Variants in PRKAG2 observed in about 807,000 individuals in gnomAD.
PRKAG2 encodes 5'-AMP-activated protein kinase subunit gamma-2.
In PRKAG2, 26 loss-of-function variants were observed where a neutral mutation model predicts 69.6. The ratio of observed to expected loss-of-function variants is 0.37; its 90% CI spans 0.27 to 0.52. The LOEUF (loss-of-function observed/expected upper bound fraction) is 0.52, where lower values mean the gene tolerates loss of function less well. Among genes scored for constraint, PRKAG2 ranks in the 20% least tolerant of loss-of-function variants. The pLI is 0.90. For missense variants in PRKAG2, 557 were observed against 740.0 expected, an observed-to-expected ratio of 0.75 and a Z score of 2.87; for synonymous variants, 293 against 285.0, an observed-to-expected ratio of 1.03 and a Z score of -0.28.
At chr7:151,778,574 T>G (rs533751218) in intron 3 of PRKAG2, among the ~76,000 whole-genome samples, 1 of 152,314 alleles carries the variant, frequency 6.6e-6, no homozygotes, top group South Asian at 2.1e-4. Context: ...CCCTGCTACA[T>G]CCCAGCATTC....
At chr7:151,628,719 A>AAAAAAAGAGAAACCAG (rs371336340) in intron 5 of PRKAG2, among the ~76,000 whole-genome samples, 1 of 151,558 alleles carries the variant, frequency 6.6e-6, no homozygotes, top group Admixed American at 6.6e-5. Flanking sequence ...GGGAGGGAAA[A>AAAAAAAGAGAAACCAG]ATTGCTATGG....
In PRKAG2 at chr7:151,624,151, TG is replaced by T. The variant is rs1220165244; in HGVS notation, c.754+7917del. On this transcript the variant is annotated intron_variant, in intron 5 of 15. Transcript: ENST00000287878. Reference sequence around the variant, plus strand: ...ACAGAAGGCAGCGTGTGTGTGTGTGTGTGTGTGTGTGTGTGTACATATATAT... The same window carrying T: ...ACAGAAGGCAGCGTGTGTGTGTGTGTTGTGTGTGTGTGTGTACATATATAT... Among the ~76,000 whole-genome samples, 922 of 147,852 alleles carry T rather than the reference TG, an allele frequency of 6.2e-3. 13 individuals carry two copies. Among genetic ancestry groups the T allele is most frequent in the African/African-American group, 0.022 (857 of 39,742 alleles).
intron 3 of PRKAG2, among the ~76,000 whole-genome samples, chr7:151,697,525 G>T (rs145076095): frequency 6.6e-6 from 1 of 152,134 alleles, no homozygotes. Flanking sequence ...GGGAAGCCCC[G>T]GAGCCCCTGG....
At chr7:151,819,133 G>A (rs6976065) in intron 1 of PRKAG2, among the ~76,000 whole-genome samples, 28,666 of 152,098 alleles carry the variant, frequency 0.19, 2,827 homozygotes, top group South Asian at 0.26. Flanking sequence ...TGGCCGGCCC[G>A]CAGCCCACCC....
chr7:151,815,556 T>C (rs1455021053), intron 1 of PRKAG2, among the ~76,000 whole-genome samples: 2 of 152,156 alleles, frequency 1.3e-5, no homozygotes, highest in African/African-American at 4.8e-5. Flanking sequence ...ATAAAGTCTC[T>C]TGCCTGCATC....
At chr7:151,636,884 T>C (rs1684883996) in intron 4 of PRKAG2, among the ~76,000 whole-genome samples, 1 of 152,168 alleles carries the variant, frequency 6.6e-6, no homozygotes, top group African/African-American at 2.4e-5. Flanking sequence ...TTCATATTTT[T>C]AGTAGAGATG....
intron 4 of PRKAG2, among the ~76,000 whole-genome samples, chr7:151,649,267 AG>A (rs1413610312): frequency 2.0e-5 from 3 of 152,094 alleles, no homozygotes; most frequent in Non-Finnish European, 2.9e-5. Flanking sequence ...CTGGGATTGC[AG>A]GCACCTACCA....
chr7:151,673,838 C>CTTTTT (rs57744338), intron 4 of PRKAG2, among the ~76,000 whole-genome samples: 10 of 87,586 alleles, frequency 1.1e-4, no homozygotes, highest in South Asian at 4.0e-4. Flanking sequence ...AGCTTGTGTT[C>CTTTTT]TTTTTTTTTT....
intron 5 of PRKAG2, among the ~76,000 whole-genome samples, chr7:151,625,617 C>A (rs969445625): frequency 1.2e-4 from 18 of 152,250 alleles, no homozygotes; most frequent in African/African-American, 4.3e-4. Context: ...GAAGATGACA[C>A]TGGCCGGGAG....
At chr7:151,709,650 A>C (rs1413766546) in intron 3 of PRKAG2, among the ~76,000 whole-genome samples, 5 of 151,852 alleles carry the variant, frequency 3.3e-5, no homozygotes, top group Admixed American at 2.6e-4. Flanking sequence ...GTGACATGAT[A>C]TATGTGACAC....
At chr7:151,584,812 G>T (rs543756214) in intron 6 of PRKAG2, among the ~76,000 whole-genome samples, 1 of 152,192 alleles carries the variant, frequency 6.6e-6, no homozygotes, top group Admixed American at 6.5e-5. Flanking sequence ...CAGGAGGATC[G>T]CTTGAGCCCA....
At chr7:151,816,247 T>A (rs2078636646) in intron 1 of PRKAG2, among the ~76,000 whole-genome samples, 1 of 152,180 alleles carries the variant, frequency 6.6e-6, no homozygotes, top group African/African-American at 2.4e-5. Context: ...CCTGGCGTGC[T>A]GTGGCCAGAT....
intron 6 of PRKAG2, among the ~76,000 whole-genome samples, chr7:151,578,550 G>C (rs756828343): frequency 6.6e-6 from 1 of 152,158 alleles, no homozygotes; most frequent in East Asian, 1.9e-4. Context: ...GGGACTACTG[G>C]TGCGTTGAGG....
chr7:151,588,557 G>A (rs113961335), intron 6 of PRKAG2, among the ~76,000 whole-genome samples: 2,260 of 149,588 alleles, frequency 0.015, 43 homozygotes, highest in African/African-American at 0.051. Flanking sequence ...GGACGGTTTC[G>A]CCATGTTGGC....
rs74383522 is a variant in PRKAG2, at chr7:151,854,606, G to A, written c.114+21901C>T. On this transcript the variant is annotated intron_variant, in intron 1 of 15. Transcript: ENST00000287878. ...GGCCTCATGGAATGCTAATGGCTACGGACAGCACTGCCACAGGCTTGAGTG... is the reference window on the plus strand; with the variant it reads ...GGCCTCATGGAATGCTAATGGCTACAGACAGCACTGCCACAGGCTTGAGTG... 3.6e-4 allele frequency among the ~76,000 whole-genome samples: 55 copies of A among 152,338 alleles called. No homozygotes were observed. The East Asian group carries it at 0.011, about 29-fold the overall frequency.
chr7:151,783,938 AAG>A (rs1364454370), intron 2 of PRKAG2, among the ~76,000 whole-genome samples: 1 of 150,318 alleles, frequency 6.7e-6, no homozygotes, highest in Non-Finnish European at 1.5e-5. Flanking sequence ...AAAAAAAAAA[AAG>A]AGGTTCTTCT....
At chr7:151,834,063 GA>G (rs35435291) in intron 1 of PRKAG2, among the ~76,000 whole-genome samples, 23 of 150,456 alleles carry the variant, frequency 1.5e-4, no homozygotes, top group African/African-American at 4.6e-4. Flanking sequence ...GTTTCTGGAG[GA>G]AAAAAAAAAT....
intron 1 of PRKAG2, among the ~76,000 whole-genome samples, chr7:151,865,184 C>A (rs2151909345): frequency 6.6e-6 from 1 of 152,310 alleles, no homozygotes; most frequent in South Asian, 2.1e-4. Flanking sequence ...GCCTGAGGAG[C>A]CCCTGAGCTT....
At chr7:151,773,274 AAG>A (rs1234671715) in intron 3 of PRKAG2, among the ~76,000 whole-genome samples, 1 of 152,072 alleles carries the variant, frequency 6.6e-6, no homozygotes, top group African/African-American at 2.4e-5. Flanking sequence ...AAGAGAAAGA[AAG>A]AGAGAGAAAT....
Sources: gnomAD v4.1 joint callset for allele counts (sites outside exome capture counted in the v4.1 genomes callset) on GRCh38, gnomAD v4.1.1 for gene constraint, MANE v1.5 for transcripts, NCBI Gene and HGNC (gene_info 2026-07-23, HGNC 2026-07-21) for gene names.